MED13L: variants seen among roughly 807,000 people sequenced by gnomAD.
The protein encoded by MED13L is mediator of RNA polymerase II transcription subunit 13-like.
A neutral mutation model predicts 220.9 loss-of-function variants in MED13L; 7 were observed. The ratio of observed to expected loss-of-function variants is 0.03; its 90% CI spans 0.02 to 0.06. The LOEUF (loss-of-function observed/expected upper bound fraction) is 0.06, where lower values mean the gene tolerates loss of function less well. MED13L is among the 10% of genes least tolerant of loss of function. The pLI is 1.00. For missense variants in MED13L, 1,965 were observed against 2,760.5 expected (o/e 0.71, Z 6.46); for synonymous variants, 1,011 against 1,015.2 (o/e 1.00, Z 0.08).
chr12:116,112,007 T>G (rs1277512988), intron 2 of MED13L, among the ~76,000 whole-genome samples: 2 of 152,200 alleles, frequency 1.3e-5, no homozygotes, highest in Non-Finnish European at 2.9e-5. Context: ...GACATGATTT[T>G]AGAGACTGTC....
intron 16 of MED13L, among the ~76,000 whole-genome samples, chr12:115,995,107 CT>C (rs1878314149): frequency 6.6e-6 from 1 of 152,148 alleles, no homozygotes; most frequent in Non-Finnish European, 1.5e-5. Context: ...CTGACACTGA[CT>C]TTATATACAC....
chr12:116,114,508 C>CA (rs1349891916), intron 2 of MED13L, among the ~76,000 whole-genome samples: 3 of 151,798 alleles, frequency 2.0e-5, no homozygotes, highest in Admixed American at 6.6e-5. Flanking sequence ...CAAACAACAA[C>CA]AAAAAAAACT....
intron 23 of MED13L, among the ~76,000 whole-genome samples, chr12:115,980,279 T>G (rs1388711704): frequency 6.6e-6 from 1 of 152,208 alleles, no homozygotes; most frequent in Non-Finnish European, 1.5e-5. Context: ...GTTTTAAAGT[T>G]CAGAGAAGTA....
At chr12:116,085,749 ATCAC>A (rs772379698) in intron 4 of MED13L, among the ~76,000 whole-genome samples, 78 of 109,050 alleles carry the variant, frequency 7.2e-4, no homozygotes, top group South Asian at 2.7e-3. Flanking sequence ...GAAGATTAAA[ATCAC>A]TCACACACAC....
In MED13L at chr12:116,007,645, C is replaced by CA. The variant is rs542425590; in HGVS notation, c.2013-10dup. The CA allele has an allele frequency of 0.1, 76,797 of 750,244 alleles. 810 individuals are homozygous for CA. Among genetic ancestry groups the CA allele is most frequent in the Non-Finnish European group, 0.11 (57,538 of 543,324 alleles). 46.5% of individuals were successfully genotyped at this position (750,244 alleles called of 1,614,324 possible). ...TAGGTTGTGCTAAGAGTCTAAAAGACAAAAAAAAAAAAAAAAAAAAGAGCA... is the reference window on the plus strand; with the variant it reads ...TAGGTTGTGCTAAGAGTCTAAAAGACAAAAAAAAAAAAAAAAAAAAAGAGCA... On this transcript the variant is annotated splice_polypyrimidine_tract_variant and intron_variant, in intron 10 of 30. Coordinates refer to ENST00000281928, the MANE Select transcript of MED13L (RefSeq NM_015335.5).
At chr12:116,242,287 C>T (rs764195638) in intron 1 of MED13L, among the ~76,000 whole-genome samples, 10 of 152,078 alleles carry the variant, frequency 6.6e-5, no homozygotes, top group Admixed American at 6.6e-4. Flanking sequence ...TCAGGTGATA[C>T]GCTTGCCTTG....
chr12:116,181,691 G>C (rs770064070), intron 2 of MED13L, among the ~76,000 whole-genome samples: 119 of 152,168 alleles, frequency 7.8e-4, no homozygotes, highest in Non-Finnish European at 1.4e-3. Context: ...TTTTAGTAGA[G>C]ACGGGGTTTC....
intron 4 of MED13L, among the ~76,000 whole-genome samples, chr12:116,032,160 T>C (rs988170934): frequency 6.6e-6 from 1 of 152,200 alleles, no homozygotes; most frequent in Non-Finnish European, 1.5e-5. Flanking sequence ...GTATCATATA[T>C]TCCTGGATAT....
At chr12:116,273,120 T>C (rs953890530) in intron 1 of MED13L, among the ~76,000 whole-genome samples, 1 of 151,764 alleles carries the variant, frequency 6.6e-6, no homozygotes, top group African/African-American at 2.4e-5. Context: ...GCCTGACCAA[T>C]ATGGAGAAAC....
chr12:116,141,285 A>C (rs1191935280), intron 2 of MED13L, among the ~76,000 whole-genome samples: 1 of 152,228 alleles, frequency 6.6e-6, no homozygotes, highest in Non-Finnish European at 1.5e-5. Flanking sequence ...AATTATATAA[A>C]TGAAGGGCTA....
intron 2 of MED13L, among the ~76,000 whole-genome samples, chr12:116,149,216 C>T (rs556325942): frequency 6.6e-6 from 1 of 152,290 alleles, no homozygotes; most frequent in South Asian, 2.1e-4. Context: ...TGACTTAAGG[C>T]ATTCTTGATT....
chr12:116,175,847 A>G (rs1283193164), intron 2 of MED13L, among the ~76,000 whole-genome samples: 1 of 152,220 alleles, frequency 6.6e-6, no homozygotes, highest in Non-Finnish European at 1.5e-5. Context: ...GTAATGCATA[A>G]TAATAATAGG....
Position 116,048,410 on chromosome 12 carries a change from G to C in MED13L, c.480-25809C>G, listed in dbSNP as rs576213265. On this transcript the variant is annotated intron_variant, in intron 4 of 30. Coordinates refer to ENST00000281928, the MANE Select transcript of MED13L (RefSeq NM_015335.5). ...CACATCATACATCAAGGAAGAGCCA[G>C]GGTAATGGCAGGAGTGGTAAGATAC... Among the ~76,000 whole-genome samples the C allele has an allele frequency of 6.6e-5, 10 of 152,286 alleles. No individual in the cohort carries two copies. In the South Asian group the frequency reaches 2.1e-3, roughly 32 times the overall value.
At chr12:116,196,320 C>T (rs1881622057) in intron 2 of MED13L, among the ~76,000 whole-genome samples, 1 of 151,944 alleles carries the variant, frequency 6.6e-6, no homozygotes, top group African/African-American at 2.4e-5. Context: ...CCACAGAGGT[C>T]CTCTGGGTGT....
chr12:116,266,382 G>A (rs2138574723), intron 1 of MED13L, among the ~76,000 whole-genome samples: 1 of 152,290 alleles, frequency 6.6e-6, no homozygotes, highest in South Asian at 2.1e-4. Context: ...GAAAGCAGCA[G>A]TGGGTGCCCA....
chr12:115,961,654 G>A (rs771157313), intron 30 of MED13L: 4 of 517,872 alleles, frequency 7.7e-6, no homozygotes, highest in Non-Finnish European at 1.4e-5. Flanking sequence ...GTGGACTGCA[G>A]GTAAAGTAGG....
intron 2 of MED13L, among the ~76,000 whole-genome samples, chr12:116,149,075 A>G (rs571173411): frequency 6.6e-6 from 1 of 152,212 alleles, no homozygotes; most frequent in South Asian, 2.1e-4. Context: ...TCCGGTATTC[A>G]TACCTTTGCT....
intron 2 of MED13L, among the ~76,000 whole-genome samples, chr12:116,214,921 G>A (rs1007447852): frequency 2.0e-5 from 3 of 152,116 alleles, no homozygotes; most frequent in African/African-American, 7.2e-5. Flanking sequence ...CCCTATTTAA[G>A]AATGTAAGCC....
intron 4 of MED13L, among the ~76,000 whole-genome samples, chr12:116,077,795 A>G (rs1354405711): frequency 6.6e-6 from 1 of 152,232 alleles, no homozygotes; most frequent in Non-Finnish European, 1.5e-5. Context: ...AATAACTTAA[A>G]TAGGACAGAG....
Sources: allele counts gnomAD v4.1 joint callset (sites outside exome capture counted in the v4.1 genomes callset), GRCh38; gene constraint gnomAD v4.1.1; transcripts MANE v1.5; gene names NCBI Gene and HGNC (gene_info 2026-07-23, HGNC 2026-07-21).